FARS2: variants seen among roughly 807,000 people sequenced by gnomAD.
FARS2 encodes phenylalanine--tRNA ligase, mitochondrial.
In FARS2, 40 loss-of-function variants were observed where a neutral mutation model predicts 46.4. The observed-to-expected ratio is 0.86, with a 90% CI of 0.67 to 1.12. FARS2 has a LOEUF of 1.12. Among genes scored for constraint, FARS2 ranks in the 50% most tolerant of loss-of-function variants. The pLI is 0.00. For missense variants in FARS2, 513 were observed against 567.9 expected (o/e 0.90, Z 0.98); for synonymous variants, 234 against 214.9 (o/e 1.09, Z -0.78).
intron 4 of FARS2, among the ~76,000 whole-genome samples, chr6:5,457,331 C>T (rs910845734): frequency 3.2e-4 from 48 of 152,208 alleles, no homozygotes; most frequent in African/African-American, 1.2e-3. Flanking sequence ...ACCCAATTCT[C>T]GGCCACTGGG....
At chr6:5,415,137 C>G (rs183341945) in intron 3 of FARS2, among the ~76,000 whole-genome samples, 40 of 151,244 alleles carry the variant, frequency 2.6e-4, no homozygotes, top group Non-Finnish European at 4.6e-4. Flanking sequence ...TTTAAAGAAA[C>G]TGTCGAACTG....
At chr6:5,412,236 C>T (rs2127733300) in intron 3 of FARS2, among the ~76,000 whole-genome samples, 1 of 152,344 alleles carries the variant, frequency 6.6e-6, no homozygotes, top group Admixed American at 6.5e-5. Flanking sequence ...TGCAGGGAGC[C>T]TCCTTGCCCA....
intron 4 of FARS2, among the ~76,000 whole-genome samples, chr6:5,475,816 A>C (rs1244643226): frequency 6.6e-6 from 1 of 151,742 alleles, no homozygotes; most frequent in Non-Finnish European, 1.5e-5. Context: ...CTGTCTCCCA[A>C]CCTCCAATTC....
At chr6:5,640,307 G>A (rs775903436) in intron 6 of FARS2, among the ~76,000 whole-genome samples, 3 of 152,170 alleles carry the variant, frequency 2.0e-5, no homozygotes, top group Non-Finnish European at 2.9e-5. Flanking sequence ...TCTGACTTAC[G>A]GGTTTAAGGT....
chr6:5,262,002 G>T (rs35048711), intron 1 of FARS2, among the ~76,000 whole-genome samples: 53,772 of 151,806 alleles, frequency 0.35, 11,432 homozygotes, highest in African/African-American at 0.6. Context: ...GACGCAGGAA[G>T]CTTCAGCCAG....
chr6:5,759,271 T>C (rs1762367902), intron 6 of FARS2, among the ~76,000 whole-genome samples: 1 of 152,174 alleles, frequency 6.6e-6, no homozygotes, highest in African/African-American at 2.4e-5. Flanking sequence ...TGTTGGTACT[T>C]CCACAGGGAA....
chr6:5,393,765 T>G (rs1372212874), intron 2 of FARS2, among the ~76,000 whole-genome samples: 1 of 152,230 alleles, frequency 6.6e-6, no homozygotes, highest in Non-Finnish European at 1.5e-5. Flanking sequence ...AAGGCACCCT[T>G]TTCCTCTTTG....
chr6:5,274,329 A>C (rs1766177513), intron 1 of FARS2, among the ~76,000 whole-genome samples: 1 of 152,218 alleles, frequency 6.6e-6, no homozygotes, highest in Non-Finnish European at 1.5e-5. Flanking sequence ...TAGTGATTGC[A>C]TTCCCTCTTT....
At chr6:5,474,170 T>G (rs1423939564) in intron 4 of FARS2, among the ~76,000 whole-genome samples, 1 of 152,260 alleles carries the variant, frequency 6.6e-6, no homozygotes, top group East Asian at 1.9e-4. Context: ...CAATGGCACA[T>G]GCCGCTGTCT....
intron 4 of FARS2, among the ~76,000 whole-genome samples, chr6:5,522,948 G>A (rs1476749656): frequency 6.6e-6 from 1 of 152,174 alleles, no homozygotes; most frequent in South Asian, 2.1e-4. Context: ...ATATGGGATC[G>A]AACGAAATAG....
intron 5 of FARS2, among the ~76,000 whole-genome samples, chr6:5,590,972 A>G (rs1311844996): frequency 6.6e-6 from 1 of 152,236 alleles, no homozygotes; most frequent in East Asian, 1.9e-4. Flanking sequence ...AGCTGTGAAA[A>G]TGTATTCTGG....
At chr6:5,255,899 T>C in the FARS2 span, among the ~76,000 whole-genome samples, 2 of 152,208 alleles carry the variant, frequency 1.3e-5, no homozygotes, top group African/African-American at 2.4e-5. Flanking sequence ...CTAAATAGTA[T>C]TCCTAGATAA....
rs929816869 is a variant in FARS2 at position 5,479,932 on chromosome 6, A to G, written c.904+48760A>G. ...TGCTCCTCAGGAGAAGGAGAAGGGC[A>G]GGACCATTGGAAGAGTTAGGGACCT... On this transcript the variant is annotated intron_variant, in intron 4 of 6. Coordinates refer to ENST00000274680, the MANE Select transcript of FARS2 (RefSeq NM_006567.5). Among the ~76,000 whole-genome samples, 11 of 152,246 alleles carry G rather than the reference A, an allele frequency of 7.2e-5. 1 individual carries two copies. Among genetic ancestry groups the G allele is most frequent in the Admixed American group, 2.0e-4 (3 of 15,284 alleles).
intron 3 of FARS2, among the ~76,000 whole-genome samples, chr6:5,416,175 G>T (rs1031256914): frequency 6.6e-6 from 1 of 152,042 alleles, no homozygotes; most frequent in African/African-American, 2.4e-5. Flanking sequence ...TTCTTTTATG[G>T]ATTATGCTTT....
chr6:5,561,157 A>G (rs543096014), intron 5 of FARS2, among the ~76,000 whole-genome samples: 6 of 152,296 alleles, frequency 3.9e-5, no homozygotes, highest in Admixed American at 3.9e-4. Context: ...AAACAAAAAA[A>G]GTATTGGCAT....
chr6:5,655,647 A>G (rs568112990), intron 6 of FARS2, among the ~76,000 whole-genome samples: 1 of 152,182 alleles, frequency 6.6e-6, no homozygotes, highest in South Asian at 2.1e-4. Context: ...TCTTATAAGA[A>G]TTCCTGTGAT....
chr6:5,495,477 C>G (rs1389727468), intron 4 of FARS2, among the ~76,000 whole-genome samples: 3 of 152,182 alleles, frequency 2.0e-5, no homozygotes, highest in Non-Finnish European at 4.4e-5. Flanking sequence ...GGAACACTTC[C>G]TCTGTTCCAC....
At chr6:5,352,812 G>A (rs1451599954) in intron 1 of FARS2, among the ~76,000 whole-genome samples, 1 of 151,570 alleles carries the variant, frequency 6.6e-6, no homozygotes, top group Non-Finnish European at 1.5e-5. Context: ...TCGTACATAT[G>A]TACGGGGTAC....
intron 6 of FARS2, among the ~76,000 whole-genome samples, chr6:5,704,461 T>C (rs1250702741): frequency 6.6e-6 from 1 of 152,226 alleles, no homozygotes. Flanking sequence ...ATAAAGTATA[T>C]TGCCCATATG....
Sources: gnomAD v4.1 joint callset for allele counts (sites outside exome capture counted in the v4.1 genomes callset) on GRCh38, gnomAD v4.1.1 for gene constraint, MANE v1.5 for transcripts, NCBI Gene and HGNC (gene_info 2026-07-23, HGNC 2026-07-21) for gene names.